The following ACYP2 variants were observed in gnomAD, a reference collection of about 807,000 sequenced individuals.
ACYP2 encodes the protein acylphosphatase 2, also known as acylphosphatase-2.
Under a neutral mutation model 11.2 loss-of-function variants are expected in ACYP2, and 12 were observed. The ratio of observed to expected loss-of-function variants is 1.08; its 90% CI spans 0.69 to 1.74. The LOEUF (loss-of-function observed/expected upper bound fraction) is 1.74. ACYP2 is among the 40% of genes most tolerant of loss of function. The pLI is 0.00. For synonymous variants in ACYP2, 43 were observed against 32.2 expected (o/e 1.33, Z -1.13); for missense variants, 134 against 101.9 (o/e 1.31, Z -1.35).
intron 6 of ACYP2, among the ~76,000 whole-genome samples, chr2:54,158,338 G>A (rs997199074): frequency 3.3e-5 from 5 of 151,656 alleles, no homozygotes; most frequent in Non-Finnish European, 5.9e-5. Flanking sequence ...CACCGTGCCC[G>A]GCCTGCTTTT....
At position 54,293,319 on chromosome 2, in the gene ACYP2, C is replaced by T. The variant is rs554693080; in HGVS notation, c.405-11369C>T. On this transcript the variant is annotated intron_variant, in intron 6 of 6. Transcript: ENST00000607452. ...TAGATATGTGTTGACCTAGAAGCTG[C>T]GGTGCGGCAAGGAAGTTACAGGTTA... 6.7e-4 allele frequency among the ~76,000 whole-genome samples: 102 copies of T among 152,300 alleles called. 4 individuals are homozygous for T. The South Asian group carries it at 0.019, about 28-fold the overall frequency.
chr2:54,024,274 G>A (rs958192899), intron 2 of ACYP2, among the ~76,000 whole-genome samples: 1 of 152,088 alleles, frequency 6.6e-6, no homozygotes, highest in Non-Finnish European at 1.5e-5. Flanking sequence ...GCTGATGCAG[G>A]AGAATCACTT....
chr2:53,977,200 A>G (rs1157541751), intron 2 of ACYP2, among the ~76,000 whole-genome samples: 1 of 152,054 alleles, frequency 6.6e-6, no homozygotes, highest in Admixed American at 6.5e-5. Context: ...GGCACCCGCC[A>G]TCACGCCCAG....
intron 3 of ACYP2, among the ~76,000 whole-genome samples, chr2:54,054,734 C>T (rs1329590952): frequency 6.6e-6 from 1 of 152,174 alleles, no homozygotes; most frequent in Non-Finnish European, 1.5e-5. Context: ...GATGATTGCC[C>T]ACAATCATAT....
At chr2:54,277,635 G>C (rs1228999693) in intron 6 of ACYP2, among the ~76,000 whole-genome samples, 2 of 152,020 alleles carry the variant, frequency 1.3e-5, no homozygotes, top group Non-Finnish European at 1.5e-5. Context: ...CCACAGTCGT[G>C]CTACTGCACC....
At chr2:54,155,167 T>C (rs1414960550) in intron 6 of ACYP2, among the ~76,000 whole-genome samples, 2 of 152,140 alleles carry the variant, frequency 1.3e-5, no homozygotes, top group African/African-American at 4.8e-5. Flanking sequence ...ATTTTATTTA[T>C]TTGAATCTTT....
chr2:54,162,476 A>G (rs1682762880), intron 6 of ACYP2, among the ~76,000 whole-genome samples: 1 of 152,150 alleles, frequency 6.6e-6, no homozygotes, highest in South Asian at 2.1e-4. Flanking sequence ...TAATGGTATA[A>G]GCCTGTGGTG....
At chr2:54,194,882 A>G (rs1684394330) in intron 6 of ACYP2, among the ~76,000 whole-genome samples, 1 of 152,190 alleles carries the variant, frequency 6.6e-6, no homozygotes. Flanking sequence ...CTAGAAGTGT[A>G]TATATTCAGA....
At chr2:54,171,213 C>T (rs1683208316) in intron 6 of ACYP2, among the ~76,000 whole-genome samples, 1 of 152,182 alleles carries the variant, frequency 6.6e-6, no homozygotes, top group Admixed American at 6.5e-5. Flanking sequence ...CGCTGGCCTT[C>T]CTTCGTGTCT....
chr2:54,109,449 T>C (rs1679340960), intron 4 of ACYP2, among the ~76,000 whole-genome samples: 1 of 152,036 alleles, frequency 6.6e-6, no homozygotes, highest in Non-Finnish European at 1.5e-5. Context: ...AAACTGCATA[T>C]TGGGTACAGC....
intron 6 of ACYP2, among the ~76,000 whole-genome samples, chr2:54,214,198 T>A (rs1477183971): frequency 6.6e-6 from 1 of 152,216 alleles, no homozygotes; most frequent in Non-Finnish European, 1.5e-5. Context: ...GTTGTCTGTT[T>A]ACTCTGCTGA....
chr2:54,230,044 C>G (rs1686166120), intron 6 of ACYP2, among the ~76,000 whole-genome samples: 1 of 152,142 alleles, frequency 6.6e-6, no homozygotes, highest in African/African-American at 2.4e-5. Context: ...ACTTACTTTT[C>G]AGTCTGACTC....
At chr2:54,160,033 A>G (rs1223890159) in intron 6 of ACYP2, among the ~76,000 whole-genome samples, 1 of 152,150 alleles carries the variant, frequency 6.6e-6, no homozygotes, top group Non-Finnish European at 1.5e-5. Flanking sequence ...GACTTGCTGG[A>G]TATTCCCCAC....
intron 6 of ACYP2, among the ~76,000 whole-genome samples, chr2:54,163,454 T>G (rs1163813797): frequency 4.6e-5 from 7 of 152,164 alleles, no homozygotes; most frequent in African/African-American, 1.7e-4. Context: ...TTACATTATT[T>G]AAAAAACTGA....
At chr2:54,270,668 C>T (rs2104078957) in intron 6 of ACYP2, among the ~76,000 whole-genome samples, 1 of 152,106 alleles carries the variant, frequency 6.6e-6, no homozygotes, top group East Asian at 1.9e-4. Context: ...TAATTACTAA[C>T]TTATTTTTTC....
chr2:54,016,028 A>G (rs1673664587), intron 2 of ACYP2, among the ~76,000 whole-genome samples: 1 of 152,070 alleles, frequency 6.6e-6, no homozygotes, highest in African/African-American at 2.4e-5. Flanking sequence ...CCTGACCTTT[A>G]TGGCCACAGT....
intron 6 of ACYP2, chr2:54,254,967 T>G (rs761082339): frequency 6.2e-7 from 1 of 1,613,840 alleles, no homozygotes; most frequent in South Asian, 1.1e-5. Context: ...CTGGCTCCCT[T>G]ACCAGGCGAC....
chr2:53,990,887 C>T (rs1672257293), intron 2 of ACYP2, among the ~76,000 whole-genome samples: 2 of 151,808 alleles, frequency 1.3e-5, no homozygotes, highest in Admixed American at 6.6e-5. Context: ...AGCTCCGCTT[C>T]CTGGGTTCAC....
chr2:53,975,566 C>A (rs1671433376), intron 2 of ACYP2, among the ~76,000 whole-genome samples: 1 of 152,128 alleles, frequency 6.6e-6, no homozygotes, highest in African/African-American at 2.4e-5. Flanking sequence ...GGCTGGGTGG[C>A]TCACGCCTGC....
Sources: allele counts gnomAD v4.1 joint callset (sites outside exome capture counted in the v4.1 genomes callset), GRCh38; gene constraint gnomAD v4.1.1; transcripts MANE v1.5; gene names NCBI Gene and HGNC (gene_info 2026-07-23, HGNC 2026-07-21).